Variants in HPCAL1 observed in about 807,000 individuals in gnomAD.
The protein encoded by HPCAL1 is hippocalcin like 1.
A neutral mutation model predicts 17.1 loss-of-function variants in HPCAL1; 8 were observed. That is an observed-to-expected ratio of 0.47 (90% confidence interval 0.27 to 0.84). The LOEUF (loss-of-function observed/expected upper bound fraction) is 0.84, where lower values mean the gene tolerates loss of function less well. Ranked by LOEUF, HPCAL1 falls within the 40% of genes least tolerant of loss-of-function variation. The pLI, the probability that HPCAL1 is intolerant of heterozygous loss-of-function variation, is 0.13. For synonymous variants in HPCAL1, 112 were observed against 111.4 expected (o/e 1.01, Z -0.03); for missense variants, 165 against 271.1 (o/e 0.61, Z 2.75).
rs1177702773 is a variant in HPCAL1 at position 10,377,540 on chromosome 2, T to C, written c.-110-19295T>C. ...TCACGCACTGTCTGCCCGCACACACTCTTCCACCCTCTGTCGGCAGGGCCC... is the reference window on the plus strand; with the variant it reads ...TCACGCACTGTCTGCCCGCACACACCCTTCCACCCTCTGTCGGCAGGGCCC... On this transcript the variant is annotated intron_variant, in intron 1 of 4. Coordinates refer to ENST00000307845, the MANE Select transcript of HPCAL1 (RefSeq NM_002149.4). This position sits in a 1 kb window ranked among gnomAD's most constrained non-coding sequence, Gnocchi z 5.9. Among the ~76,000 whole-genome samples, 1 of 151,330 alleles carries C rather than the reference T, an allele frequency of 6.6e-6. No homozygotes were observed. Among genetic ancestry groups the C allele is most frequent in the East Asian group, 2.0e-4 (1 of 5,116 alleles).
At chr2:10,360,675 A>T (rs537778382) in intron 1 of HPCAL1, among the ~76,000 whole-genome samples, 1 of 152,308 alleles carries the variant, frequency 6.6e-6, no homozygotes, top group African/African-American at 2.4e-5. Context: ...GGCCTCCCAA[A>T]GTGCTGGCTT....
rs1288655316 is a variant in HPCAL1, at chr2:10,394,131, C to A, written c.-110-2704C>A. Among the ~76,000 whole-genome samples the A allele has an allele frequency of 6.6e-6, 1 of 150,536 alleles. No homozygotes were observed. The highest frequency in any genetic ancestry group is 2.4e-5 in the African/African-American group (1 of 40,936). ...TCCTGTCTCCTGAAAAACAAACAAA[C>A]AAAAAAAAAACCTTGTAACTAACCA... On this transcript the variant is annotated intron_variant, in intron 1 of 4. Coordinates refer to ENST00000307845, the MANE Select transcript of HPCAL1 (RefSeq NM_002149.4). This position sits in a 1 kb window ranked among gnomAD's most constrained non-coding sequence, Gnocchi z 5.0.
At position 10,398,320 on chromosome 2, in the gene HPCAL1, G is replaced by A. The variant is rs1316955776; in HGVS notation, c.-25+1400G>A. 1.3e-5 allele frequency among the ~76,000 whole-genome samples: 2 copies of A among 152,164 alleles called. 1 individual carries two copies. The highest frequency in any genetic ancestry group is 4.1e-4 in the South Asian group (2 of 4,832). On this transcript the variant is annotated intron_variant, in intron 2 of 4. Coordinates refer to ENST00000307845, the MANE Select transcript of HPCAL1 (RefSeq NM_002149.4). ...GTCCTCCAAGTCCTCATACAAAGTC[G>A]CTTTCCAAAAGTCTGGAATTTTCTT...
chr2:10,390,184 C>G (rs1455215694), intron 1 of HPCAL1, among the ~76,000 whole-genome samples: 5 of 152,200 alleles, frequency 3.3e-5, no homozygotes, highest in Non-Finnish European at 5.9e-5. Context: ...CTTTCCAGAC[C>G]TTCACCTGTG....
At chr2:10,385,929 G>T (rs1355264908) in intron 1 of HPCAL1, among the ~76,000 whole-genome samples, 1 of 152,142 alleles carries the variant, frequency 6.6e-6, no homozygotes, top group Non-Finnish European at 1.5e-5. Context: ...CTCTCTGGGG[G>T]CTTTTCTTCC....
rs191462088 is a variant in HPCAL1 at position 10,304,950 on chromosome 2, G to A, written c.-111+1773G>A. 6.6e-6 allele frequency among the ~76,000 whole-genome samples: 1 copy of A among 152,216 alleles called. No homozygotes were observed. The highest frequency in any genetic ancestry group is 6.5e-5 in the Admixed American group (1 of 15,286). Reference sequence around the variant, plus strand: ...GGGGCTACGTGATGGTGTTCCCAGAGAGGCGGGCTGCTTTGCGGGCTTTTA... The same window carrying A: ...GGGGCTACGTGATGGTGTTCCCAGAAAGGCGGGCTGCTTTGCGGGCTTTTA... On this transcript the variant is annotated intron_variant, in intron 1 of 4. Coordinates refer to ENST00000307845, the MANE Select transcript of HPCAL1 (RefSeq NM_002149.4). This position sits in a 1 kb window ranked among gnomAD's most constrained non-coding sequence, Gnocchi z 4.1.
At chr2:10,389,358 G>T (rs761487023) in intron 1 of HPCAL1, among the ~76,000 whole-genome samples, 1 of 152,186 alleles carries the variant, frequency 6.6e-6, no homozygotes, top group Non-Finnish European at 1.5e-5. Flanking sequence ...CTCTGCTGCC[G>T]CTGGGCACAG....
chr2:10,408,856 G>A (rs971420635), intron 2 of HPCAL1: 120 of 152,302 alleles, frequency 7.9e-4, no homozygotes, highest in African/African-American at 2.6e-3. Context: ...CCAGATCCAG[G>A]GTCCCTGGTA....
At position 10,367,693 on chromosome 2, in the gene HPCAL1, T is replaced by A. The variant is rs1270976611; in HGVS notation, c.-110-29142T>A. Among the ~76,000 whole-genome samples the A allele has an allele frequency of 6.6e-6, 1 of 152,224 alleles. No homozygotes were observed. The highest frequency in any genetic ancestry group is 1.9e-4 in the East Asian group (1 of 5,198). On this transcript the variant is annotated intron_variant, in intron 1 of 4. Transcript: ENST00000307845. The surrounding 1 kb of genome is among the most constrained non-coding windows in gnomAD (Gnocchi z 4.4). ...GCCCTTGTCCCATATCACAGTCCCATGACCCACACTCCCATGGAAAGCCTT... is the reference window on the plus strand; with the variant it reads ...GCCCTTGTCCCATATCACAGTCCCAAGACCCACACTCCCATGGAAAGCCTT...
intron 1 of HPCAL1, among the ~76,000 whole-genome samples, chr2:10,336,263 C>G (rs1419226858): frequency 1.3e-5 from 2 of 152,098 alleles, no homozygotes; most frequent in African/African-American, 4.8e-5. Flanking sequence ...TATCCTTTGT[C>G]CAGTCTCCTT....
chr2:10,389,330 C>T (rs1668534930), intron 1 of HPCAL1, among the ~76,000 whole-genome samples: 2 of 152,232 alleles, frequency 1.3e-5, no homozygotes, highest in East Asian at 1.9e-4. Flanking sequence ...GGTAGCCCTG[C>T]CCCGCAAGGA....
intron 1 of HPCAL1, among the ~76,000 whole-genome samples, chr2:10,332,755 G>A (rs1298786623): frequency 1.3e-5 from 2 of 152,084 alleles, no homozygotes; most frequent in Non-Finnish European, 2.9e-5. Context: ...GACATCACAG[G>A]TAGGGGGATT....
At chr2:10,400,603 C>T (rs778029880) in intron 2 of HPCAL1, among the ~76,000 whole-genome samples, 4 of 152,162 alleles carry the variant, frequency 2.6e-5, no homozygotes, top group Non-Finnish European at 5.9e-5. Context: ...AGGGACAATC[C>T]TCCTGTGTTG....
chr2:10,329,502 C>T (rs575385748), intron 1 of HPCAL1, among the ~76,000 whole-genome samples: 60 of 152,302 alleles, frequency 3.9e-4, no homozygotes, highest in African/African-American at 1.3e-3. Flanking sequence ...GTGTGGTGGC[C>T]TACAGAGGCT....
chr2:10,421,889 A>G (rs1306210211), intron 3 of HPCAL1, among the ~76,000 whole-genome samples: 1 of 152,196 alleles, frequency 6.6e-6, no homozygotes, highest in Non-Finnish European at 1.5e-5. Flanking sequence ...GTCAGAGTAA[A>G]TTAACATGGG....
chr2:10,420,016 A>T lies in HPCAL1; in HGVS notation c.259A>T (p.Ile87Phe). Reference protein sequence around the residue: ...DGTIDFREFIIALSVTSRGKL... With the variant: ...DGTIDFREFIFALSVTSRGKL... ...CACCATCGACTTCCGGGAGTTCATC[A>T]TTGCGCTGAGCGTGACCTCGCGGGG... The change falls in exon 3 of 5, where the codon ATT becomes TTT. Residue 87 changes from isoleucine to phenylalanine, a missense_variant. By Grantham distance (21) the Ile-to-Phe change is conservative (BLOSUM62 0). Transcript: ENST00000307845. The T allele has an allele frequency of 6.2e-7, 1 of 1,613,964 alleles. No individual in the cohort carries two copies. Among genetic ancestry groups the T allele is most frequent in the Non-Finnish European group, 8.5e-7 (1 of 1,180,030 alleles).
intron 3 of HPCAL1, 30 bp downstream of exon 3, chr2:10,420,165 C>T (rs1326498494): frequency 6.4e-6 from 10 of 1,566,246 alleles, no homozygotes; most frequent in Non-Finnish European, 8.7e-6. Context: ...CGGGTCTCAC[C>T]GCGGGCCCAG....
Position 10,348,341 on chromosome 2 carries a change from C to T in HPCAL1, c.-111+45164C>T, listed in dbSNP as rs746396006. ...GTACACACCTGTAATCCCAGCTACT[C>T]GGGAGGCTGAGGCAGGAGAATCACT... On this transcript the variant is annotated intron_variant, in intron 1 of 4. Transcript: ENST00000307845. Among the ~76,000 whole-genome samples, 11 of 151,982 alleles carry T rather than the reference C, an allele frequency of 7.2e-5. 1 individual carries two copies. The highest frequency in any genetic ancestry group is 1.9e-4 in the African/African-American group (8 of 41,364).
intron 1 of HPCAL1, among the ~76,000 whole-genome samples, chr2:10,386,967 T>C (rs1014504946): frequency 2.6e-5 from 4 of 151,920 alleles, no homozygotes; most frequent in Admixed American, 1.3e-4. Context: ...GCCCAGGGAG[T>C]GGCCAGTGGG....
Sources: gnomAD v4.1 joint callset for allele counts (sites outside exome capture counted in the v4.1 genomes callset) on GRCh38, gnomAD v4.1.1 for gene constraint, Gnocchi (gnomAD v3.1) non-coding constraint, MANE v1.5 for transcripts, NCBI Gene and HGNC (gene_info 2026-07-23, HGNC 2026-07-21) for gene names.